GPR55: variants seen among roughly 807,000 people sequenced by gnomAD.
GPR55 encodes the protein G protein-coupled receptor 55, also known as G-protein coupled receptor 55.
A neutral mutation model predicts 7.9 loss-of-function variants in GPR55; 6 were observed. The observed-to-expected ratio is 0.76, with a 90% CI of 0.41 to 1.49. GPR55 has a LOEUF of 1.49. GPR55 is among the 40% of genes most tolerant of loss of function. The pLI is 0.01. For missense variants in GPR55, 376 were observed against 406.0 expected (o/e 0.93, Z 0.63); for synonymous variants, 183 against 166.8 (o/e 1.10, Z -0.75).
chr2:230,956,732 A>T (rs536112868), intron 1 of GPR55, among the ~76,000 whole-genome samples: 109 of 152,306 alleles, frequency 7.2e-4, no homozygotes, highest in African/African-American at 2.3e-3. Flanking sequence ...TCTGTATTTT[A>T]AAAAAATCTT....
intron 1 of GPR55, among the ~76,000 whole-genome samples, chr2:230,953,224 T>A (rs996547527): frequency 2.0e-5 from 3 of 152,210 alleles, no homozygotes; most frequent in Non-Finnish European, 4.4e-5. Flanking sequence ...CCTGTCCCAG[T>A]ATGTCTAGGT....
chr2:230,953,850 G>T (rs1272257553), intron 1 of GPR55, among the ~76,000 whole-genome samples: 1 of 151,426 alleles, frequency 6.6e-6, no homozygotes, highest in Non-Finnish European at 1.5e-5. Flanking sequence ...CCAGGAGCAT[G>T]AGTAGGTGTG....
intron 1 of GPR55, among the ~76,000 whole-genome samples, chr2:230,920,568 G>A (rs145971047): frequency 2.0e-5 from 3 of 152,252 alleles, no homozygotes; most frequent in East Asian, 3.9e-4. Context: ...TATTACATAA[G>A]CAGTAAAAGA....
At chr2:230,935,665 G>GC (rs1691121698) in intron 1 of GPR55, among the ~76,000 whole-genome samples, 1 of 152,382 alleles carries the variant, frequency 6.6e-6, no homozygotes, top group South Asian at 2.1e-4. Flanking sequence ...CTGGGACTGG[G>GC]CTGGGAGGAG....
At chr2:230,932,927 C>T (rs1691072061) in intron 1 of GPR55, among the ~76,000 whole-genome samples, 2 of 152,328 alleles carry the variant, frequency 1.3e-5, no homozygotes, top group African/African-American at 4.8e-5. Context: ...TGTGAGGTCA[C>T]AAGGACAAAT....
intron 1 of GPR55, among the ~76,000 whole-genome samples, chr2:230,930,763 C>T (rs1691023461): frequency 6.6e-6 from 1 of 152,298 alleles, no homozygotes; most frequent in Admixed American, 6.5e-5. Context: ...CTGCGCCTGG[C>T]TCAGTTTTAT....
At chr2:230,939,757 G>A (rs146338886) in intron 1 of GPR55, among the ~76,000 whole-genome samples, 120 of 152,280 alleles carry the variant, frequency 7.9e-4, no homozygotes, top group African/African-American at 2.8e-3. Context: ...AACCAGGTGA[G>A]GAGATAGTGT....
intron 1 of GPR55, among the ~76,000 whole-genome samples, chr2:230,934,217 G>A (rs568529512): frequency 6.6e-6 from 1 of 152,304 alleles, no homozygotes; most frequent in South Asian, 2.1e-4. Context: ...GACAGAATAT[G>A]GTGATTTCTA....
At chr2:230,958,444 T>C (rs1013218471) in intron 1 of GPR55, among the ~76,000 whole-genome samples, 1 of 151,654 alleles carries the variant, frequency 6.6e-6, no homozygotes, top group Non-Finnish European at 1.5e-5. Flanking sequence ...CAGTTATTAT[T>C]GACTATAGTC....
At chr2:230,948,524 C>T (rs1317148574) in intron 1 of GPR55, among the ~76,000 whole-genome samples, 1 of 152,212 alleles carries the variant, frequency 6.6e-6, no homozygotes. Flanking sequence ...AACCTACTTT[C>T]TCTCGTTGCC....
chr2:230,914,959 G>A (rs535008525), intron 1 of GPR55, among the ~76,000 whole-genome samples: 2 of 152,320 alleles, frequency 1.3e-5, no homozygotes, highest in East Asian at 1.9e-4. Context: ...GAAGGAGAGA[G>A]GGAAGGAACA....
chr2:230,912,975 T>C (rs1165050678), intron 1 of GPR55, among the ~76,000 whole-genome samples: 1 of 152,224 alleles, frequency 6.6e-6, no homozygotes, highest in African/African-American at 2.4e-5. Context: ...TATGCAAATA[T>C]ATGCATGCAT....
chr2:230,924,610 AT>A lies in GPR55; in HGVS notation c.-135+557del, dbSNP rs1265986463. 4 of 152,334 alleles carry A rather than the reference AT, an allele frequency of 2.6e-5. No homozygotes were observed. Among genetic ancestry groups the A allele is most frequent in the African/African-American group, 9.6e-5 (4 of 41,552 alleles). The allele number at this position is 152,334 out of a possible 1,614,324, so 9.4% of individuals were successfully genotyped here. A position where few individuals can be genotyped will look rare whatever the true frequency, so the allele number is the denominator to read the frequency against. On this transcript the variant is annotated intron_variant, in intron 1 of 1. Transcript: ENST00000650999. The surrounding 1 kb of genome is among the most constrained non-coding windows in gnomAD (Gnocchi z 4.5). ...TGAGGAAGAAACCGTGTATTGCCTC[AT>A]GCCCCAGAGAGGTAAACGGAGGCTA...
rs1172434887 is a variant in GPR55 at position 230,910,303 on chromosome 2, C to T, written c.660G>A (p.Gln220=). The T allele has an allele frequency of 9.9e-6, 16 of 1,614,036 alleles. No homozygotes were observed. Among genetic ancestry groups the T allele is most frequent in the Non-Finnish European group, 1.3e-5 (15 of 1,179,976 alleles). Residue 220 remains glutamine (Q), a synonymous_variant, in exon 2 of 2, where the codon CAG becomes CAA. Transcript: ENST00000650999. This position sits in a 1 kb window ranked among gnomAD's most constrained non-coding sequence, Gnocchi z 5.4. ...CGATGCTGTAGATGCAGGCTTTCTG[C>T]TGCACCCAGTCCTGGGTGTGGTCTC... The part of the protein sequence containing the change: ...GRRDHTQDWV[Q]QKACIYSIAA...
intron 1 of GPR55, among the ~76,000 whole-genome samples, chr2:230,913,985 A>T (rs889846344): frequency 3.3e-5 from 5 of 152,214 alleles, no homozygotes; most frequent in Non-Finnish European, 5.9e-5. Flanking sequence ...GGGTCACACT[A>T]ACCAATTAAG....
Position 230,931,227 on chromosome 2 carries a change from G to A in GPR55, c.-134-20131C>T, listed in dbSNP as rs72997246. Among the ~76,000 whole-genome samples the A allele has an allele frequency of 5.2e-3, 786 of 152,324 alleles. 6 individuals are homozygous for A. Among genetic ancestry groups the A allele is most frequent in the Non-Finnish European group, 8.7e-3 (595 of 68,030 alleles). On this transcript the variant is annotated intron_variant, in intron 1 of 1. Coordinates refer to the GPR55 transcript ENST00000392039. ...AGTCCTCCCGACTCTTCAAGGAGAC[G>A]TCATTGCCAATGGTGACAGCTCCCT...
intron 1 of GPR55, among the ~76,000 whole-genome samples, chr2:230,947,525 A>C (rs1691338241): frequency 7.4e-6 from 1 of 135,030 alleles, no homozygotes; most frequent in Non-Finnish European, 1.5e-5. Flanking sequence ...TTTTTTTGAG[A>C]CAGGGTCTCA....
At position 230,932,915 on chromosome 2, in the gene GPR55, C is replaced by T. The variant is rs117184749; in HGVS notation, c.-134-21819G>A. Among the ~76,000 whole-genome samples the T allele has an allele frequency of 6.5e-4, 99 of 152,308 alleles. 1 individual carries two copies. The East Asian group carries it at 0.015, about 24-fold the overall frequency. On this transcript the variant is annotated intron_variant, in intron 1 of 1. Coordinates refer to the GPR55 transcript ENST00000392039. ...TGCGCTCGCTCTCTCTAATTCTCTA[C>T]ATGTGAGGTCACAAGGACAAATCCT...
At chr2:230,945,920 C>A (rs1378348419) in intron 1 of GPR55, among the ~76,000 whole-genome samples, 5 of 152,126 alleles carry the variant, frequency 3.3e-5, no homozygotes, top group African/African-American at 1.2e-4. Flanking sequence ...ATGGTAGTTG[C>A]ATTAAAAAGT....
Sources: gnomAD v4.1 joint callset for allele counts (sites outside exome capture counted in the v4.1 genomes callset) on GRCh38, gnomAD v4.1.1 for gene constraint, Gnocchi (gnomAD v3.1) non-coding constraint, MANE v1.5 for transcripts, NCBI Gene and HGNC (gene_info 2026-07-23, HGNC 2026-07-21) for gene names.